PRRX2: variants seen among roughly 807,000 people sequenced by gnomAD.
The protein encoded by PRRX2 is paired mesoderm homeobox protein 2.
A neutral mutation model predicts 18.0 loss-of-function variants in PRRX2; 11 were observed. The observed-to-expected ratio is 0.61, with a 90% CI of 0.39 to 1.01. PRRX2 has a LOEUF of 1.01. Among genes scored for constraint, PRRX2 ranks in the 50% least tolerant of loss-of-function variants. The pLI is 0.01. For missense variants in PRRX2, 387 were observed against 351.0 expected, an observed-to-expected ratio of 1.10 and a Z score of -0.82; for synonymous variants, 177 against 154.8, an observed-to-expected ratio of 1.14 and a Z score of -1.06.
rs1203441104 is a variant in PRRX2, at chr9:129,722,204, A to T, written c.627-13A>T. 2 of 1,611,560 alleles carry T rather than the reference A, an allele frequency of 1.2e-6. No individual in the cohort carries two copies. The highest frequency in any genetic ancestry group is 1.7e-6 in the Non-Finnish European group (2 of 1,178,728). On this transcript the variant is annotated splice_polypyrimidine_tract_variant and intron_variant, in intron 3 of 3. Coordinates refer to ENST00000372469, the MANE Select transcript of PRRX2 (RefSeq NM_016307.4). ...ACCGCACCCATGTGACCTGTGTCTC[A>T]TGTCGCCCCCAGCACAGTGCCACCC...
At chr9:129,683,596 G>A (rs1005587070) in intron 1 of PRRX2, among the ~76,000 whole-genome samples, 2 of 151,884 alleles carry the variant, frequency 1.3e-5, no homozygotes, top group Non-Finnish European at 2.9e-5. Flanking sequence ...TTAGCTGGGC[G>A]TGGTGACGGG....
chr9:129,701,768 G>A (rs1042751629), intron 1 of PRRX2, among the ~76,000 whole-genome samples: 35 of 152,224 alleles, frequency 2.3e-4, no homozygotes, highest in African/African-American at 8.4e-4. Context: ...AAACAGATAT[G>A]CTGTTGTCGT....
Position 129,695,389 on chromosome 9 carries a change from G to A in PRRX2, c.260-23842G>A, listed in dbSNP as rs1015922999. Among the ~76,000 whole-genome samples, 9 of 152,350 alleles carry A rather than the reference G, an allele frequency of 5.9e-5. No homozygotes were observed. Among genetic ancestry groups the A allele is most frequent in the Admixed American group, 3.3e-4 (5 of 15,302 alleles). ...CTGTCTTTTCAAAGAGAGAGGCTGCGGAAATGGCAGATGCTTGAAGAATCA... is the reference window on the plus strand; with the variant it reads ...CTGTCTTTTCAAAGAGAGAGGCTGCAGAAATGGCAGATGCTTGAAGAATCA... On this transcript the variant is annotated intron_variant, in intron 1 of 3. Coordinates refer to ENST00000372469, the MANE Select transcript of PRRX2 (RefSeq NM_016307.4). This position sits in a 1 kb window ranked among gnomAD's most constrained non-coding sequence, Gnocchi z 4.8.
chr9:129,689,262 T>C (rs2130917620), intron 1 of PRRX2, among the ~76,000 whole-genome samples: 1 of 152,334 alleles, frequency 6.6e-6, no homozygotes, highest in South Asian at 2.1e-4. Context: ...CTCTGCCACT[T>C]GTGCAGGTCA....
chr9:129,722,097 G>T, intron 3 of PRRX2, 120 bp from the exon 4 acceptor site: 1 of 1,420,210 alleles, frequency 7.0e-7, no homozygotes, highest in South Asian at 1.4e-5. Context: ...CCAGTCCTGG[G>T]TGAAGGCTGC....
intron 1 of PRRX2, among the ~76,000 whole-genome samples, chr9:129,672,925 C>G (rs1832118091): frequency 6.8e-6 from 1 of 148,130 alleles, no homozygotes; most frequent in East Asian, 2.0e-4. Context: ...TTCATTCATT[C>G]TACAGTCATT....
Position 129,701,665 on chromosome 9 carries a change from C to G in PRRX2, c.260-17566C>G, listed in dbSNP as rs114742723. On this transcript the variant is annotated intron_variant, in intron 1 of 3. Transcript: ENST00000372469. ...CCTAGGCTCTTAATCCATGCCCCAT[C>G]CAAAACAGAAAATGATATTCATGCA... is the stretch of plus-strand genomic sequence containing the variant. 3.4e-3 allele frequency among the ~76,000 whole-genome samples: 523 copies of G among 152,324 alleles called. 2 individuals are homozygous for G. The highest frequency in any genetic ancestry group is 0.012 in the African/African-American group (501 of 41,560).
At chr9:129,679,356 T>A (rs1588163353) in intron 1 of PRRX2, among the ~76,000 whole-genome samples, 1 of 150,854 alleles carries the variant, frequency 6.6e-6, no homozygotes, top group Admixed American at 6.6e-5. Context: ...AGGGGGGAGG[T>A]GGCTGTGAGG....
chr9:129,714,040 C>T (rs182762825), intron 1 of PRRX2, among the ~76,000 whole-genome samples: 3 of 146,488 alleles, frequency 2.0e-5, no homozygotes, highest in Admixed American at 6.7e-5. Flanking sequence ...TGGTAGCTCA[C>T]GCCTGTAATC....
intron 1 of PRRX2, among the ~76,000 whole-genome samples, chr9:129,688,246 A>G (rs76288314): frequency 0.012 from 1,787 of 151,966 alleles, 32 homozygotes; most frequent in African/African-American, 0.041. Flanking sequence ...TCTTTTTTGT[A>G]GAGATGGGGG....
intron 1 of PRRX2, among the ~76,000 whole-genome samples, chr9:129,706,309 G>A (rs575819506): frequency 1.9e-4 from 19 of 100,698 alleles, no homozygotes; most frequent in South Asian, 1.3e-3. Context: ...TCCCAGGCGC[G>A]GTGGCTCACA....
rs554322361 is a variant in PRRX2, at chr9:129,681,650, C to T, written c.259+15524C>T. ...TGAATGTCTTGGATTTGCCTCCATC[C>T]GGTGCCCCCTCTCTGCTCCTCCCTA... On this transcript the variant is annotated intron_variant, in intron 1 of 3. Transcript: ENST00000372469. Among the ~76,000 whole-genome samples, 18 of 152,322 alleles carry T rather than the reference C, an allele frequency of 1.2e-4. No individual in the cohort carries two copies. In the East Asian group the frequency reaches 1.9e-3, roughly 16 times the overall value.
intron 1 of PRRX2, among the ~76,000 whole-genome samples, chr9:129,700,650 AC>A (rs1413289341): frequency 7.5e-6 from 1 of 134,080 alleles, no homozygotes; most frequent in African/African-American, 2.9e-5. Context: ...CAGGGTCTGA[AC>A]CTGTCACCCA....
In PRRX2 at chr9:129,709,527, T is replaced by C. The variant is rs908984158; in HGVS notation, c.260-9704T>C. ...CGGCAGTCCCAGGTTGGGTGGCCCA[T>C]GCCTCTCGCTCTTGTGTGCTGTGCC... is the stretch of plus-strand genomic sequence containing the variant. On this transcript the variant is annotated intron_variant, in intron 1 of 3. Coordinates refer to ENST00000372469, the MANE Select transcript of PRRX2 (RefSeq NM_016307.4). The surrounding 1 kb of genome is among the most constrained non-coding windows in gnomAD (Gnocchi z 4.2). Among the ~76,000 whole-genome samples, 4 of 152,204 alleles carry C rather than the reference T, an allele frequency of 2.6e-5. No individual in the cohort carries two copies. The highest frequency in any genetic ancestry group is 6.5e-5 in the Admixed American group (1 of 15,274).
chr9:129,707,272 A>C (rs1832569057), intron 1 of PRRX2, among the ~76,000 whole-genome samples: 1 of 152,006 alleles, frequency 6.6e-6, no homozygotes, highest in African/African-American at 2.4e-5. Context: ...AAAATAAATA[A>C]ATAAATAAAT....
At chr9:129,707,862 T>G (rs1372887256) in intron 1 of PRRX2, among the ~76,000 whole-genome samples, 1 of 152,190 alleles carries the variant, frequency 6.6e-6, no homozygotes, top group Non-Finnish European at 1.5e-5. Context: ...CATGTTTCAT[T>G]TCTCCTGCGT....
rs12002653 is a variant in PRRX2 at position 129,675,141 on chromosome 9, G to A, written c.259+9015G>A. Reference sequence around the variant, plus strand: ...ATAAGGCTGGCTCTGGACCTGGAAGGGCCCGGAAGTGTCCAGTATACAGGA... The same window carrying A: ...ATAAGGCTGGCTCTGGACCTGGAAGAGCCCGGAAGTGTCCAGTATACAGGA... On this transcript the variant is annotated intron_variant, in intron 1 of 3. Coordinates refer to ENST00000372469, the MANE Select transcript of PRRX2 (RefSeq NM_016307.4). This position sits in a 1 kb window ranked among gnomAD's most constrained non-coding sequence, Gnocchi z 4.4. Among the ~76,000 whole-genome samples the A allele has an allele frequency of 0.017, 2,554 of 152,288 alleles. 77 individuals are homozygous for A. The highest frequency in any genetic ancestry group is 0.058 in the African/African-American group (2,402 of 41,548).
At chr9:129,676,604 C>T (rs1056666919) in intron 1 of PRRX2, among the ~76,000 whole-genome samples, 11 of 152,158 alleles carry the variant, frequency 7.2e-5, no homozygotes, top group African/African-American at 2.7e-4. Context: ...GGGTCTGAAC[C>T]GGCCCCTGCC....
intron 1 of PRRX2, among the ~76,000 whole-genome samples, chr9:129,697,053 G>C (rs140796944): frequency 2.0e-4 from 31 of 152,368 alleles, no homozygotes; most frequent in Middle Eastern, 3.4e-3. Context: ...TGCCTCATAG[G>C]GTTACCGTGT....
Sources: gnomAD v4.1 joint callset for allele counts (sites outside exome capture counted in the v4.1 genomes callset) on GRCh38, gnomAD v4.1.1 for gene constraint, Gnocchi (gnomAD v3.1) non-coding constraint, MANE v1.5 for transcripts, NCBI Gene and HGNC (gene_info 2026-07-23, HGNC 2026-07-21) for gene names.